Variants in CDH20 observed in about 807,000 individuals in gnomAD.
CDH20 encodes the protein cadherin-20.
CDH20 carries 29 observed loss-of-function variants against 74.2 expected under a neutral mutation model. The ratio of observed to expected loss-of-function variants is 0.39; its 90% confidence interval spans 0.29 to 0.53. CDH20 has a LOEUF of 0.53. CDH20 is among the 20% of genes least tolerant of loss of function. The pLI, the probability that CDH20 is intolerant of heterozygous loss-of-function variation, is 0.69. For synonymous variants in CDH20, 469 were observed against 405.4 expected (o/e 1.16, Z -1.88); for missense variants, 988 against 1,048.3 (o/e 0.94, Z 0.79).
rs764304509 is a variant in CDH20, at chr18:61,550,017, G to A, written c.1688G>A (p.Arg563Gln). The A allele has an allele frequency of 1.9e-5, 31 of 1,614,020 alleles. No individual in the cohort carries two copies. The highest frequency in any genetic ancestry group is 4.4e-5 in the South Asian group (4 of 91,078). ...ARILTRRSGF[R>Q]QQEQSVFHLP... Reference sequence around the variant, plus strand: ...ATTCTAACCAGGAGGTCTGGTTTCCGGCAGCAGGAGCAGAGTGTCTTTCAC... The same window carrying A: ...ATTCTAACCAGGAGGTCTGGTTTCCAGCAGCAGGAGCAGAGTGTCTTTCAC... The change falls in exon 11 of 12, where the codon CGG becomes CAG. Residue 563 changes from arginine to glutamine, a missense_variant. Arg to Gln is a conservative substitution (Grantham distance 43). Transcript: ENST00000262717.
intron 1 of CDH20, among the ~76,000 whole-genome samples, chr18:61,480,164 T>C (rs1317777288): frequency 6.6e-6 from 1 of 152,146 alleles, no homozygotes; most frequent in African/African-American, 2.4e-5. Context: ...GGAAAAAAGA[T>C]CTTCTCATAT....
chr18:61,394,460 G>A (rs988976112), intron 1 of CDH20, among the ~76,000 whole-genome samples: 2 of 152,086 alleles, frequency 1.3e-5, no homozygotes, highest in Non-Finnish European at 2.9e-5. Flanking sequence ...AATGTCATGC[G>A]AGGATGAAGG....
chr18:61,435,693 A>G (rs570051978), intron 1 of CDH20, among the ~76,000 whole-genome samples: 1 of 150,370 alleles, frequency 6.7e-6, no homozygotes, highest in East Asian at 1.9e-4. Flanking sequence ...TAACAGCTTT[A>G]AATTATATAT....
chr18:61,449,517 C>T (rs2144334312), intron 1 of CDH20, among the ~76,000 whole-genome samples: 1 of 152,156 alleles, frequency 6.6e-6, no homozygotes, highest in African/African-American at 2.4e-5. Flanking sequence ...ATCCGATAGC[C>T]ATGTACACAG....
intron 1 of CDH20, among the ~76,000 whole-genome samples, chr18:61,338,715 T>C (rs988262794): frequency 1.3e-5 from 2 of 152,204 alleles, no homozygotes; most frequent in African/African-American, 2.4e-5. Context: ...AAAGTGCACA[T>C]GTCAGAAACA....
intron 11 of CDH20, among the ~76,000 whole-genome samples, chr18:61,552,103 G>C (rs1854559466): frequency 6.6e-6 from 1 of 151,656 alleles, no homozygotes; most frequent in African/African-American, 2.4e-5. Flanking sequence ...CAAACTTTAA[G>C]ATTTGACTTG....
At chr18:61,478,014 A>C (rs529874856) in intron 1 of CDH20, among the ~76,000 whole-genome samples, 51 of 152,250 alleles carry the variant, frequency 3.3e-4, no homozygotes, top group Admixed American at 5.9e-4. Context: ...CAGCCTGGCC[A>C]ACATGGTGAA....
At chr18:61,523,328 C>A (rs1033395224) in intron 6 of CDH20, among the ~76,000 whole-genome samples, 8 of 152,142 alleles carry the variant, frequency 5.3e-5, no homozygotes, top group African/African-American at 1.7e-4. Context: ...CTCATCATCA[C>A]TGGTCATTAG....
At chr18:61,413,300 A>G (rs1912572895) in intron 1 of CDH20, among the ~76,000 whole-genome samples, 1 of 152,068 alleles carries the variant, frequency 6.6e-6, no homozygotes, top group East Asian at 1.9e-4. Context: ...AATAGCATGA[A>G]TGAAATGTGC....
intron 1 of CDH20, among the ~76,000 whole-genome samples, chr18:61,477,203 G>T (rs1910418757): frequency 2.0e-5 from 3 of 152,210 alleles, no homozygotes; most frequent in Admixed American, 2.0e-4. Flanking sequence ...TATACATGTG[G>T]CTGGGCATGG....
chr18:61,526,591 T>C (rs1342646610), intron 6 of CDH20, among the ~76,000 whole-genome samples: 1 of 152,244 alleles, frequency 6.6e-6, no homozygotes, highest in Non-Finnish European at 1.5e-5. Context: ...GAAATACTTG[T>C]TGCTTAAAAC....
chr18:61,376,297 A>T (rs1911228839), intron 1 of CDH20, among the ~76,000 whole-genome samples: 1 of 152,128 alleles, frequency 6.6e-6, no homozygotes, highest in Non-Finnish European at 1.5e-5. Flanking sequence ...ATTTTTGTTG[A>T]ATTTTTACAT....
chr18:61,391,612 A>T (rs1911782873), intron 1 of CDH20: 1 of 152,354 alleles, frequency 6.6e-6, no homozygotes, highest in Non-Finnish European at 1.5e-5. Flanking sequence ...CTTCAGCAGC[A>T]CATATATACT....
intron 1 of CDH20, among the ~76,000 whole-genome samples, chr18:61,441,438 C>A (rs1289107528): frequency 1.3e-5 from 2 of 152,124 alleles, no homozygotes; most frequent in African/African-American, 4.8e-5. Flanking sequence ...ATCAATTTTA[C>A]TGAACTTCAG....
intron 1 of CDH20, among the ~76,000 whole-genome samples, chr18:61,403,969 A>T (rs1739808052): frequency 6.6e-6 from 1 of 152,200 alleles, no homozygotes; most frequent in African/African-American, 2.4e-5. Flanking sequence ...TCCTCTGCAG[A>T]CTAACGTGGG....
At chr18:61,477,503 T>G (rs934556273) in intron 1 of CDH20, among the ~76,000 whole-genome samples, 2 of 152,196 alleles carry the variant, frequency 1.3e-5, no homozygotes, top group African/African-American at 4.8e-5. Flanking sequence ...ATGTTAGAAA[T>G]TGATAATAAA....
chr18:61,374,147 T>C (rs934995781), intron 1 of CDH20, among the ~76,000 whole-genome samples: 1 of 152,050 alleles, frequency 6.6e-6, no homozygotes, highest in Non-Finnish European at 1.5e-5. Context: ...AGGGGAAAGA[T>C]TTTTCACCCT....
intron 7 of CDH20, among the ~76,000 whole-genome samples, chr18:61,528,976 C>T (rs955007071): frequency 2.0e-5 from 3 of 152,188 alleles, no homozygotes; most frequent in African/African-American, 7.2e-5. Context: ...TACCAAGTAT[C>T]TATCTCTCCA....
At chr18:61,356,561 TAA>T (rs1222473093) in intron 1 of CDH20, among the ~76,000 whole-genome samples, 1 of 152,224 alleles carries the variant, frequency 6.6e-6, no homozygotes, top group African/African-American at 2.4e-5. Flanking sequence ...GGAATGAGTA[TAA>T]GTTATTATTT....
Sources: allele counts gnomAD v4.1 joint callset (sites outside exome capture counted in the v4.1 genomes callset), GRCh38; gene constraint gnomAD v4.1.1; transcripts MANE v1.5; gene names NCBI Gene and HGNC (gene_info 2026-07-23, HGNC 2026-07-21).